The following SUSD4 variants were observed in gnomAD, a reference collection of about 807,000 sequenced individuals.
SUSD4 encodes sushi domain containing 4.
Under a neutral mutation model 50.5 loss-of-function variants are expected in SUSD4, and 41 were observed. The observed-to-expected ratio is 0.81, with a 90% confidence interval of 0.63 to 1.05. The LOEUF (loss-of-function observed/expected upper bound fraction) is 1.05, where lower values mean the gene tolerates loss of function less well. Ranked by LOEUF, SUSD4 falls within the 50% of genes least tolerant of loss-of-function variation. The pLI is 0.00. For missense variants in SUSD4, 580 were observed against 634.7 expected, an observed-to-expected ratio of 0.91 and a Z score of 0.93; for synonymous variants, 257 against 257.3, an observed-to-expected ratio of 1.00 and a Z score of 0.01.
At chr1:223,322,498 A>G (rs1304426554) in intron 2 of SUSD4, among the ~76,000 whole-genome samples, 2 of 152,212 alleles carry the variant, frequency 1.3e-5, no homozygotes, top group Non-Finnish European at 2.9e-5. Context: ...CAGGTGCTAC[A>G]AAACAGACAA....
At chr1:223,292,769 C>G in intron 2 of SUSD4, 118 bp from the exon 3 acceptor site, 1 of 1,050,618 alleles carries the variant, frequency 9.5e-7, no homozygotes. Context: ...TCCAGTTACC[C>G]CACCACCAAA....
intron 2 of SUSD4, among the ~76,000 whole-genome samples, chr1:223,343,731 C>T (rs1022768134): frequency 1.8e-4 from 28 of 152,172 alleles, no homozygotes; most frequent in African/African-American, 6.5e-4. Context: ...AATATGCATA[C>T]ATCTGCATAT....
intron 2 of SUSD4, among the ~76,000 whole-genome samples, chr1:223,353,504 A>C (rs1395467699): frequency 6.6e-6 from 1 of 152,152 alleles, no homozygotes. Context: ...AGATGAAGAA[A>C]CCAATGAATG....
intron 3 of SUSD4, among the ~76,000 whole-genome samples, chr1:223,271,446 C>T (rs574021969): frequency 1.1e-4 from 17 of 152,308 alleles, no homozygotes; most frequent in African/African-American, 4.1e-4. Flanking sequence ...TCACAGCTTC[C>T]TGAATCCCAG....
At chr1:223,353,698 G>A (rs544865039) in intron 2 of SUSD4, among the ~76,000 whole-genome samples, 1 of 152,296 alleles carries the variant, frequency 6.6e-6, no homozygotes, top group East Asian at 1.9e-4. Context: ...TGTATCCGGA[G>A]GGCTGAGCAC....
intron 3 of SUSD4, among the ~76,000 whole-genome samples, chr1:223,283,669 G>A (rs917354101): frequency 1.3e-5 from 2 of 152,210 alleles, no homozygotes; most frequent in Admixed American, 1.3e-4. Context: ...GGAAGTGAGT[G>A]TGGCAATTCC....
At position 223,292,055 on chromosome 1, in the gene SUSD4, A is replaced by C. The variant is rs1301939890; in HGVS notation, c.361+384T>G. On this transcript the variant is annotated intron_variant, in intron 3 of 8. Coordinates refer to ENST00000366878, the MANE Select transcript of SUSD4 (RefSeq NM_017982.4). ...ATTGATTTAATCCTCTGAGTAATGC[A>C]CATCTTCTGTAGGACTAAATACAGT... Among the ~76,000 whole-genome samples, 4 of 152,200 alleles carry C rather than the reference A, an allele frequency of 2.6e-5. No homozygotes were observed. In the East Asian group the frequency reaches 7.7e-4, roughly 29 times the overall value.
chr1:223,302,617 C>G (rs1356481), intron 2 of SUSD4, among the ~76,000 whole-genome samples: 66,501 of 151,946 alleles, frequency 0.44, 15,123 homozygotes, highest in East Asian at 0.58. Flanking sequence ...TCTGAGGGCC[C>G]CCTGCCCCAA....
At chr1:223,360,947 C>A (rs557178624) in intron 2 of SUSD4, among the ~76,000 whole-genome samples, 1 of 152,296 alleles carries the variant, frequency 6.6e-6, no homozygotes, top group South Asian at 2.1e-4. Context: ...GGAGCAGAAG[C>A]AACTTATTTT....
chr1:223,348,413 T>C (rs17578168), intron 2 of SUSD4, among the ~76,000 whole-genome samples: 28,412 of 152,228 alleles, frequency 0.19, 3,199 homozygotes, highest in Non-Finnish European at 0.26. Flanking sequence ...GCACAGTGCC[T>C]TGCATGTAAC....
At chr1:223,277,537 G>T (rs1663367719) in intron 3 of SUSD4, among the ~76,000 whole-genome samples, 2 of 151,916 alleles carry the variant, frequency 1.3e-5, no homozygotes, top group Admixed American at 1.3e-4. Flanking sequence ...GTGTGCCCAG[G>T]CATAGGTTGA....
intron 2 of SUSD4, among the ~76,000 whole-genome samples, chr1:223,344,141 A>C (rs1030866657): frequency 6.6e-6 from 1 of 152,240 alleles, no homozygotes; most frequent in African/African-American, 2.4e-5. Flanking sequence ...TGTCTTCTCA[A>C]TAAATATATA....
chr1:223,283,979 GAACA>G (rs1400118594), intron 3 of SUSD4, among the ~76,000 whole-genome samples: 1 of 151,480 alleles, frequency 6.6e-6, no homozygotes, highest in East Asian at 1.9e-4. Flanking sequence ...ACTATCACAA[GAACA>G]AATAACCAAA....
At chr1:223,354,228 G>A (rs911276422) in intron 2 of SUSD4, among the ~76,000 whole-genome samples, 2 of 151,676 alleles carry the variant, frequency 1.3e-5, no homozygotes, top group Non-Finnish European at 1.5e-5. Context: ...ACACAAATAA[G>A]TCTCCCGCCC....
intron 3 of SUSD4, among the ~76,000 whole-genome samples, chr1:223,282,769 C>A (rs947464487): frequency 2.6e-5 from 4 of 152,192 alleles, no homozygotes; most frequent in African/African-American, 7.2e-5. Flanking sequence ...CAAAAAAGAG[C>A]CTGCATTGCC....
At chr1:223,316,183 G>A (rs1572043993) in intron 2 of SUSD4, among the ~76,000 whole-genome samples, 2 of 151,950 alleles carry the variant, frequency 1.3e-5, no homozygotes, top group South Asian at 4.2e-4. Context: ...AAAATGACTT[G>A]GGAAAATCTT....
intron 2 of SUSD4, 96 bp from the exon 3 acceptor site, chr1:223,292,747 C>A (rs916763083): frequency 7.8e-7 from 1 of 1,285,994 alleles, no homozygotes. Flanking sequence ...TGATGTCATA[C>A]GCCTTGGACA....
In SUSD4 at chr1:223,221,620, A is replaced by C. The variant is rs73120283; in HGVS notation, c.*572T>G. 9.2e-3 allele frequency: 1,411 copies of C among 153,924 alleles called. 15 individuals carry two copies. The highest frequency in any genetic ancestry group is 0.032 in the African/African-American group (1,321 of 41,630). 9.5% of individuals were successfully genotyped at this position (153,924 alleles called of 1,614,324 possible). A position where few individuals can be genotyped will look rare whatever the true frequency, so the allele number is the denominator to read the frequency against. Reference sequence around the variant, plus strand: ...CCTGCTTTCGTCTTGCTTCGAGTAGAGTTGTCTGGATGAAGGAAGATTCTC... The same window carrying C: ...CCTGCTTTCGTCTTGCTTCGAGTAGCGTTGTCTGGATGAAGGAAGATTCTC... On this transcript the variant is annotated 3_prime_UTR_variant, in exon 9 of 9. Transcript: ENST00000366878.
intron 3 of SUSD4, among the ~76,000 whole-genome samples, chr1:223,283,526 A>G (rs1460349368): frequency 1.3e-5 from 2 of 152,218 alleles, no homozygotes; most frequent in Non-Finnish European, 2.9e-5. Context: ...CAAAACCACA[A>G]TGAGATACCA....
Sources: allele counts gnomAD v4.1 joint callset (sites outside exome capture counted in the v4.1 genomes callset), GRCh38; gene constraint gnomAD v4.1.1; transcripts MANE v1.5; gene names NCBI Gene and HGNC (gene_info 2026-07-23, HGNC 2026-07-21).